CRPPA: variants seen among roughly 807,000 people sequenced by gnomAD.
CRPPA encodes D-ribitol-5-phosphate cytidylyltransferase.
Under a neutral mutation model 52.0 loss-of-function variants are expected in CRPPA, and 43 were observed. The ratio of observed to expected loss-of-function variants is 0.83; its 90% CI spans 0.65 to 1.07. The LOEUF (loss-of-function observed/expected upper bound fraction) is 1.07, where lower values mean the gene tolerates loss of function less well. CRPPA is among the 50% of genes least tolerant of loss of function. The pLI is 0.00. For synonymous variants in CRPPA, 250 were observed against 203.5 expected (o/e 1.23, Z -1.94); for missense variants, 629 against 551.7 (o/e 1.14, Z -1.40).
chr7:16,216,870 G>C (rs1227549007), intron 8 of CRPPA, among the ~76,000 whole-genome samples: 2 of 151,890 alleles, frequency 1.3e-5, no homozygotes, highest in African/African-American at 2.4e-5. Context: ...GGGGAGGGGC[G>C]CCCGCCATTG....
At chr7:16,129,315 T>A (rs1434674150) in intron 9 of CRPPA, among the ~76,000 whole-genome samples, 1 of 152,038 alleles carries the variant, frequency 6.6e-6, no homozygotes, top group African/African-American at 2.4e-5. Flanking sequence ...GTCTTTCATC[T>A]CCTGCCTAGG....
chr7:16,116,705 A>AAAGGGAAGG (rs1316890213), intron 9 of CRPPA, among the ~76,000 whole-genome samples: 1 of 151,394 alleles, frequency 6.6e-6, no homozygotes, highest in Non-Finnish European at 1.5e-5. Flanking sequence ...AAGGGAAGGG[A>AAAGGGAAGG]GAGAGAGAGA....
At chr7:16,264,052 A>G (rs1223337264) in intron 6 of CRPPA, among the ~76,000 whole-genome samples, 5 of 152,120 alleles carry the variant, frequency 3.3e-5, no homozygotes, top group Non-Finnish European at 7.4e-5. Context: ...TAATTCTTTT[A>G]GTCATACTGC....
At chr7:16,414,093 G>C (rs1452315330) in intron 1 of CRPPA, among the ~76,000 whole-genome samples, 1 of 152,064 alleles carries the variant, frequency 6.6e-6, no homozygotes, top group African/African-American at 2.4e-5. Context: ...AACAAACTTT[G>C]ACAAGCATGA....
At chr7:16,370,115 G>C (rs1786709725) in intron 3 of CRPPA, among the ~76,000 whole-genome samples, 1 of 152,230 alleles carries the variant, frequency 6.6e-6, no homozygotes. Flanking sequence ...TTTCAGAGAA[G>C]CCCTCAGGGA....
chr7:16,215,921 T>C (rs867038761), intron 9 of CRPPA, 145 bp downstream of exon 9: 2 of 530,784 alleles, frequency 3.8e-6, no homozygotes, highest in African/African-American at 1.9e-5. Context: ...CAAGAGGTTC[T>C]ACTATTATAG....
At position 16,375,199 on chromosome 7, in the gene CRPPA, A is replaced by G. The variant is rs767223711; in HGVS notation, c.684+893T>C. ...AGCTCAATCAGAAAGTACTTTCTGCATTAAGTTTCTGGGATACTACCCTCT... is the reference window on the plus strand; with the variant it reads ...AGCTCAATCAGAAAGTACTTTCTGCGTTAAGTTTCTGGGATACTACCCTCT... On this transcript the variant is annotated intron_variant, in intron 3 of 9. Coordinates refer to ENST00000407010, the MANE Select transcript of CRPPA (RefSeq NM_001101426.4). Among the ~76,000 whole-genome samples the G allele has an allele frequency of 1.7e-3, 253 of 152,306 alleles. 2 individuals carry two copies. The highest frequency in any genetic ancestry group is 1.9e-3 in the Non-Finnish European group (130 of 68,022).
chr7:16,360,558 G>A (rs1017482079), intron 3 of CRPPA, among the ~76,000 whole-genome samples: 4 of 152,110 alleles, frequency 2.6e-5, no homozygotes, highest in Non-Finnish European at 5.9e-5. Flanking sequence ...GACCAATAGA[G>A]TACAGAAATG....
intron 2 of CRPPA, among the ~76,000 whole-genome samples, chr7:16,390,562 A>G: frequency 6.6e-6 from 1 of 152,090 alleles, no homozygotes. Context: ...CATCTTCCCA[A>G]ACTAACTCCT....
chr7:16,154,973 C>CTT (rs11363510), intron 9 of CRPPA, among the ~76,000 whole-genome samples: 2 of 127,030 alleles, frequency 1.6e-5, no homozygotes, highest in East Asian at 2.4e-4. Context: ...CTAATTTTTT[C>CTT]TTTTTTTTTT....
intron 9 of CRPPA, among the ~76,000 whole-genome samples, chr7:16,147,431 T>C (rs769052718): frequency 6.6e-6 from 1 of 152,302 alleles, no homozygotes; most frequent in East Asian, 1.9e-4. Flanking sequence ...GTGGTTATAA[T>C]ACCTTCAGTT....
chr7:16,326,880 G>A (rs1785405664), intron 3 of CRPPA, among the ~76,000 whole-genome samples: 3 of 121,514 alleles, frequency 2.5e-5, no homozygotes, highest in South Asian at 6.6e-4. Flanking sequence ...ATTTTGTCAA[G>A]AGCCTAAATA....
intron 9 of CRPPA, among the ~76,000 whole-genome samples, chr7:16,134,904 TA>T (rs1782737046): frequency 6.6e-6 from 1 of 152,232 alleles, no homozygotes; most frequent in Non-Finnish European, 1.5e-5. Context: ...GAATACTATG[TA>T]ATTTTTTTCT....
intron 9 of CRPPA, among the ~76,000 whole-genome samples, chr7:16,095,061 G>C (rs548078337): frequency 2.0e-5 from 3 of 152,256 alleles, no homozygotes; most frequent in Admixed American, 6.5e-5. Flanking sequence ...GGGAGAACCT[G>C]GGTGTGAGTA....
intron 3 of CRPPA, among the ~76,000 whole-genome samples, chr7:16,316,918 A>G (rs1319271168): frequency 6.6e-6 from 1 of 152,174 alleles, no homozygotes; most frequent in African/African-American, 2.4e-5. Flanking sequence ...AATAATACCT[A>G]TGTATTATTG....
chr7:16,264,530 T>C (rs992606116), intron 6 of CRPPA, among the ~76,000 whole-genome samples: 1 of 152,224 alleles, frequency 6.6e-6, no homozygotes, highest in African/African-American at 2.4e-5. Context: ...AAAGTTTTCA[T>C]CTCAAAAAGC....
intron 5 of CRPPA, among the ~76,000 whole-genome samples, chr7:16,296,983 C>T (rs1410379890): frequency 6.6e-6 from 1 of 152,170 alleles, no homozygotes; most frequent in African/African-American, 2.4e-5. Flanking sequence ...GCTAGGCAAG[C>T]TGAGCTTTAT....
In CRPPA at chr7:16,216,964, C is replaced by T. The variant is rs1583438028; in HGVS notation, c.1120-767G>A. On this transcript the variant is annotated intron_variant, in intron 8 of 9. Transcript: ENST00000407010. ...ACAGCTCAAGGAGGCCTGCCTGCCT[C>T]TGTAGGCTTCACCTCTGGGGGCAGG... 2.0e-5 allele frequency among the ~76,000 whole-genome samples: 3 copies of T among 152,122 alleles called. No individual in the cohort carries two copies. In the East Asian group the frequency reaches 5.8e-4, roughly 29 times the overall value.
rs140372261 is a variant in CRPPA at position 16,394,178 on chromosome 7, A to C, written c.534+11883T>G. Among the ~76,000 whole-genome samples, 29 of 152,272 alleles carry C rather than the reference A, an allele frequency of 1.9e-4. 1 individual carries two copies. The East Asian group carries it at 5.4e-3, about 28-fold the overall frequency. ...TGTAGAGAAATCCTTGCACATGGGCACAAGATATATAATAATATCCATACT... is the reference window on the plus strand; with the variant it reads ...TGTAGAGAAATCCTTGCACATGGGCCCAAGATATATAATAATATCCATACT... On this transcript the variant is annotated intron_variant, in intron 2 of 9. Coordinates refer to ENST00000407010, the MANE Select transcript of CRPPA (RefSeq NM_001101426.4).
Sources: gnomAD v4.1 joint callset for allele counts (sites outside exome capture counted in the v4.1 genomes callset) on GRCh38, gnomAD v4.1.1 for gene constraint, MANE v1.5 for transcripts, NCBI Gene and HGNC (gene_info 2026-07-23, HGNC 2026-07-21) for gene names.